The following CDH13 variants were observed in gnomAD, a reference collection of about 807,000 sequenced individuals.
The protein encoded by CDH13 is cadherin 13, also known as cadherin-13.
A neutral mutation model predicts 63.8 loss-of-function variants in CDH13; 24 were observed. The observed-to-expected ratio is 0.38, with a 90% confidence interval of 0.27 to 0.53. The LOEUF is 0.53. Among genes scored for constraint, CDH13 ranks in the 20% least tolerant of loss-of-function variants. The pLI is 0.85. For missense variants in CDH13, 1,049 were observed against 903.1 expected, an observed-to-expected ratio of 1.16 and a Z score of -2.07; for synonymous variants, 503 against 355.3, an observed-to-expected ratio of 1.42 and a Z score of -4.67.
intron 1 of CDH13, among the ~76,000 whole-genome samples, chr16:82,660,703 A>G (rs1285295058): frequency 1.3e-5 from 2 of 152,216 alleles, no homozygotes; most frequent in Non-Finnish European, 2.9e-5. Context: ...ATGTATATAC[A>G]TGAACAAAGA....
At chr16:82,972,955 G>A (rs1484521943) in intron 2 of CDH13, among the ~76,000 whole-genome samples, 2 of 152,170 alleles carry the variant, frequency 1.3e-5, no homozygotes, top group South Asian at 2.1e-4. Flanking sequence ...TTTTTTTAAA[G>A]TGTTCAAAAC....
chr16:83,636,500 A>T (rs1911277780), intron 8 of CDH13, among the ~76,000 whole-genome samples: 1 of 152,034 alleles, frequency 6.6e-6, no homozygotes. Context: ...TTTGCACCCA[A>T]TGTTTAACTC....
At chr16:82,684,117 G>C (rs1023174232) in intron 1 of CDH13, among the ~76,000 whole-genome samples, 1 of 152,230 alleles carries the variant, frequency 6.6e-6, no homozygotes, top group African/African-American at 2.4e-5. Context: ...CAGGGAGTTA[G>C]AGGTTCAATC....
At chr16:82,756,070 A>C (rs921639867) in intron 1 of CDH13, among the ~76,000 whole-genome samples, 5 of 152,216 alleles carry the variant, frequency 3.3e-5, no homozygotes, top group Non-Finnish European at 7.3e-5. Flanking sequence ...TTATGCATCC[A>C]CAAGATCAGT....
intron 7 of CDH13, among the ~76,000 whole-genome samples, chr16:83,527,134 A>T (rs1361064812): frequency 1.5e-5 from 2 of 136,762 alleles, no homozygotes; most frequent in South Asian, 4.2e-4. Context: ...CTGTCTCAAA[A>T]AAAAAAAATT....
At chr16:83,226,245 G>A (rs2039834195) in intron 5 of CDH13, among the ~76,000 whole-genome samples, 1 of 152,170 alleles carries the variant, frequency 6.6e-6, no homozygotes, top group South Asian at 2.1e-4. Flanking sequence ...CGAAACTGAG[G>A]CATGAAGAGG....
chr16:82,960,534 C>G (rs939509228), intron 2 of CDH13, among the ~76,000 whole-genome samples: 1 of 152,164 alleles, frequency 6.6e-6, no homozygotes, highest in African/African-American at 2.4e-5. Context: ...ATGCCCGATG[C>G]AAAGCGTGGC....
chr16:83,162,898 G>T (rs2037507491), intron 4 of CDH13, among the ~76,000 whole-genome samples: 1 of 152,036 alleles, frequency 6.6e-6, no homozygotes, highest in Non-Finnish European at 1.5e-5. Flanking sequence ...AGCTAGCTTG[G>T]GCTGCTCCCA....
At chr16:83,115,813 A>G (rs1346769103) in intron 3 of CDH13, among the ~76,000 whole-genome samples, 3 of 152,228 alleles carry the variant, frequency 2.0e-5, no homozygotes, top group African/African-American at 4.8e-5. Context: ...TTTGTTTATG[A>G]GGTTTTCACT....
At position 83,634,580 on chromosome 16, in the gene CDH13, T is replaced by C. The variant is rs547358797; in HGVS notation, c.1101+31986T>C. On this transcript the variant is annotated intron_variant, in intron 8 of 13. Transcript: ENST00000567109. ...CATGCCCAGCTAATTTTTGTATTTT[T>C]AGTAGAGACAGGGTTTCACCATGTT... Among the ~76,000 whole-genome samples, 9 of 152,184 alleles carry C rather than the reference T, an allele frequency of 5.9e-5. No individual in the cohort carries two copies. The East Asian group carries it at 1.7e-3, about 30-fold the overall frequency.
intron 1 of CDH13, among the ~76,000 whole-genome samples, chr16:82,722,353 C>G (rs8049623): frequency 0.025 from 3,773 of 152,180 alleles, 163 homozygotes; most frequent in African/African-American, 0.087. Context: ...AGGGTCTTCC[C>G]ATGTGATACC....
chr16:83,594,862 C>G (rs1002166921), intron 7 of CDH13, among the ~76,000 whole-genome samples: 1 of 152,166 alleles, frequency 6.6e-6, no homozygotes, highest in Non-Finnish European at 1.5e-5. Context: ...AATGACATGG[C>G]TTGATTCTTT....
intron 4 of CDH13, among the ~76,000 whole-genome samples, chr16:83,172,495 GA>G (rs367810976): frequency 3.4e-5 from 5 of 148,756 alleles, no homozygotes; most frequent in African/African-American, 4.9e-5. Context: ...TCTCAAAAAA[GA>G]AAAAAAAAGC....
intron 1 of CDH13, among the ~76,000 whole-genome samples, chr16:82,806,706 G>A (rs1365551526): frequency 6.6e-6 from 1 of 152,088 alleles, no homozygotes; most frequent in African/African-American, 2.4e-5. Flanking sequence ...GCTCTGCAGG[G>A]CAGGGAGAGC....
intron 10 of CDH13, among the ~76,000 whole-genome samples, chr16:83,694,562 G>A (rs750511797): frequency 6.6e-6 from 1 of 152,236 alleles, no homozygotes; most frequent in African/African-American, 2.4e-5. Context: ...CCTCTGTGAG[G>A]ATGGGTGCTT....
intron 1 of CDH13, among the ~76,000 whole-genome samples, chr16:82,855,993 T>C (rs1203183233): frequency 6.6e-6 from 1 of 152,180 alleles, no homozygotes; most frequent in East Asian, 1.9e-4. Context: ...TTTTGAGGTC[T>C]GATATTGAAG....
chr16:83,785,516 C>A (rs1372509927), intron 13 of CDH13, among the ~76,000 whole-genome samples: 1 of 152,176 alleles, frequency 6.6e-6, no homozygotes, highest in Non-Finnish European at 1.5e-5. Flanking sequence ...ATAGCAGATA[C>A]CATGAATTTA....
At chr16:83,631,770 C>T (rs997617480) in intron 8 of CDH13, among the ~76,000 whole-genome samples, 6 of 152,210 alleles carry the variant, frequency 3.9e-5, no homozygotes, top group Non-Finnish European at 8.8e-5. Flanking sequence ...GTGTTGTCAA[C>T]AGTCCCTGAA....
chr16:83,624,338 G>GCCCCCCCCC (rs202230797), intron 8 of CDH13, among the ~76,000 whole-genome samples: 125 of 145,092 alleles, frequency 8.6e-4, no homozygotes, highest in Non-Finnish European at 1.4e-3. Flanking sequence ...ATGAGATAAC[G>GCCCCCCCCC]CCCCCACCCC....
Sources: allele counts gnomAD v4.1 joint callset (sites outside exome capture counted in the v4.1 genomes callset), GRCh38; gene constraint gnomAD v4.1.1; transcripts MANE v1.5; gene names NCBI Gene and HGNC (gene_info 2026-07-23, HGNC 2026-07-21).